RNASEH2B: variants seen among roughly 807,000 people sequenced by gnomAD.
RNASEH2B encodes ribonuclease H2 subunit B.
Under a neutral mutation model 45.0 loss-of-function variants are expected in RNASEH2B, and 36 were observed. That is an observed-to-expected ratio of 0.80 (90% CI 0.61 to 1.06). The LOEUF (loss-of-function observed/expected upper bound fraction) is 1.06, where lower values mean the gene tolerates loss of function less well. Among genes scored for constraint, RNASEH2B ranks in the 50% least tolerant of loss-of-function variants. RNASEH2B has a pLI of 0.00. For synonymous variants in RNASEH2B, 119 were observed against 125.7 expected, an observed-to-expected ratio of 0.95 and a Z score of 0.35; for missense variants, 361 against 360.3, an observed-to-expected ratio of 1.00 and a Z score of -0.02.
intron 1 of RNASEH2B, among the ~76,000 whole-genome samples, chr13:50,919,562 C>G (rs1460553201): frequency 6.6e-6 from 1 of 152,070 alleles, no homozygotes; most frequent in Non-Finnish European, 1.5e-5. Flanking sequence ...ATGAGGAGGA[C>G]AGGACAAGAG....
intron 9 of RNASEH2B, chr13:50,953,241 G>A (rs568349971): frequency 2.0e-4 from 30 of 152,574 alleles, no homozygotes; most frequent in African/African-American, 7.2e-4. Context: ...ACATTCACTG[G>A]TGTAAAATGT....
At chr13:50,956,900 ATT>A (rs377401674), downstream of RNASEH2B, 646 of 188,844 alleles carry the variant, frequency 3.4e-3, no homozygotes, top group Non-Finnish European at 5.1e-3. Context: ...TTTTTGGTAA[ATT>A]TTTTTTTTTT....
chr13:50,910,199 C>G, intron 1 of RNASEH2B, 59 bp downstream of exon 1: 1 of 1,258,474 alleles, frequency 7.9e-7, no homozygotes, highest in South Asian at 2.0e-5. Context: ...CGGCCCGCGA[C>G]CCCGGGCGCG....
intron 2 of RNASEH2B, 97 bp downstream of exon 2, chr13:50,927,575 T>G: frequency 1.2e-6 from 1 of 828,860 alleles, no homozygotes; most frequent in South Asian, 1.4e-5. Flanking sequence ...TCTGAATAGC[T>G]TTTAAAGTTA....
At position 50,929,510 on chromosome 13, in the gene RNASEH2B, C is replaced by T. The variant is rs75326546; in HGVS notation, c.172C>T (p.Gln58Ter). 22 of 1,613,638 alleles carry T rather than the reference C, an allele frequency of 1.4e-5. No individual in the cohort carries two copies. The highest frequency in any genetic ancestry group is 1.8e-5 in the Non-Finnish European group (21 of 1,179,758). The change falls in exon 3 of 11, where the codon CAG (glutamine) becomes TAG (stop). Residue 58 changes from glutamine (Q) to a stop codon, truncating the protein, a stop_gained. Coordinates refer to ENST00000336617, the MANE Select transcript of RNASEH2B (RefSeq NM_024570.4). LOFTEE classifies it high-confidence loss of function. The part of the protein sequence containing the change: ...GAIYLFNMCL[Q>*]QLFEVKVFKE... Reference sequence around the variant, plus strand: ...CATTTACTTGTTCAATATGTGTCTACAGCAGCTGTTTGAAGTAAAAGTTTT... The same window carrying T: ...CATTTACTTGTTCAATATGTGTCTATAGCAGCTGTTTGAAGTAAAAGTTTT...
chr13:50,929,785 C>G (rs775272799), intron 3 of RNASEH2B, among the ~76,000 whole-genome samples: 2 of 152,046 alleles, frequency 1.3e-5, no homozygotes, highest in Non-Finnish European at 2.9e-5. Context: ...GTGTCTTAGA[C>G]GGTAGGAAGT....
intron 8 of RNASEH2B, chr13:50,948,847 T>C (rs1951939686): frequency 6.6e-6 from 1 of 152,188 alleles, no homozygotes; most frequent in Admixed American, 6.6e-5. Context: ...GATTGGAAAC[T>C]GGTTTCTATA....
At chr13:50,930,584 A>G (rs1028480338) in intron 3 of RNASEH2B, 99 bp from the exon 4 acceptor site, 2 of 884,616 alleles carry the variant, frequency 2.3e-6, no homozygotes, top group African/African-American at 1.6e-5. Flanking sequence ...AATTTCACAT[A>G]TATTTTTCAA....
chr13:50,969,781 G>A, intron 9 of RNASEH2B: 1 of 695,674 alleles, frequency 1.4e-6, no homozygotes, highest in Non-Finnish European at 2.5e-6. Context: ...TGTGTCTGAG[G>A]TCATCTCTTA....
chr13:50,916,725 G>A (rs1879765912), intron 1 of RNASEH2B, among the ~76,000 whole-genome samples: 1 of 152,176 alleles, frequency 6.6e-6, no homozygotes, highest in African/African-American at 2.4e-5. Context: ...CCGGATACTG[G>A]TTTGAATAGC....
chr13:50,924,382 T>C (rs1951563208), intron 1 of RNASEH2B, among the ~76,000 whole-genome samples: 2 of 152,144 alleles, frequency 1.3e-5, no homozygotes, highest in African/African-American at 2.4e-5. Flanking sequence ...GAAGGAGAGC[T>C]GGAGTGGCAA....
chr13:50,944,815 T>C lies in RNASEH2B; in HGVS notation c.511-612T>C, dbSNP rs190414098. ...GTGATATAGTAGTAGTAGTATTCCATGTAGGCGAAGAATGAGAATAAATGC... is the reference window on the plus strand; with the variant it reads ...GTGATATAGTAGTAGTAGTATTCCACGTAGGCGAAGAATGAGAATAAATGC... On this transcript the variant is annotated intron_variant, in intron 6 of 10. Transcript: ENST00000336617. 2.8e-3 allele frequency among the ~76,000 whole-genome samples: 423 copies of C among 152,292 alleles called. 2 individuals carry two copies. The highest frequency in any genetic ancestry group is 5.9e-3 in the Admixed American group (90 of 15,294).
exon 10 of RNASEH2B, chr13:50,970,103 G>A: frequency 1.3e-6 from 1 of 796,788 alleles, no homozygotes; most frequent in African/African-American, 1.7e-5. Context: ...GACTGTAAAT[G>A]CTTTATTTCT....
chr13:50,960,257 T>G, downstream of RNASEH2B: 1 of 542,172 alleles, frequency 1.8e-6, no homozygotes, highest in African/African-American at 2.0e-5. Flanking sequence ...TTTATTTATT[T>G]TGGGTTTTAG....
downstream of RNASEH2B, chr13:50,959,907 T>C: frequency 3.5e-6 from 1 of 288,658 alleles, no homozygotes; most frequent in Non-Finnish European, 6.3e-6. Flanking sequence ...TAAGAGTAAG[T>C]TCCAATGGGA....
chr13:50,930,424 T>C (rs1310955569), intron 3 of RNASEH2B, among the ~76,000 whole-genome samples: 1 of 152,146 alleles, frequency 6.6e-6, no homozygotes, highest in African/African-American at 2.4e-5. Flanking sequence ...AAAGAAGAAA[T>C]GGAAAGTTAA....
intron 1 of RNASEH2B, among the ~76,000 whole-genome samples, chr13:50,921,787 C>A (rs1197246781): frequency 2.0e-5 from 3 of 152,198 alleles, no homozygotes; most frequent in Non-Finnish European, 1.5e-5. Context: ...TAGCCAAAGG[C>A]TTCCAATAGT....
chr13:50,946,911 A>C (rs181650462), intron 7 of RNASEH2B, among the ~76,000 whole-genome samples: 110 of 152,306 alleles, frequency 7.2e-4, no homozygotes, highest in East Asian at 1.3e-3. Context: ...TCATTGGATA[A>C]TGACTATCCC....
intron 1 of RNASEH2B, among the ~76,000 whole-genome samples, chr13:50,926,201 A>T (rs1156467352): frequency 6.6e-6 from 1 of 152,156 alleles, no homozygotes; most frequent in African/African-American, 2.4e-5. Context: ...GTTTAAGAAA[A>T]AATGGTCGTA....
Sources: allele counts gnomAD v4.1 joint callset (sites outside exome capture counted in the v4.1 genomes callset), GRCh38; gene constraint gnomAD v4.1.1; transcripts MANE v1.5; gene names NCBI Gene and HGNC (gene_info 2026-07-23, HGNC 2026-07-21).